The following GRID2 variants were observed in gnomAD, a reference collection of about 807,000 sequenced individuals.
GRID2 encodes the protein glutamate receptor ionotropic, delta-2.
In GRID2, 33 loss-of-function variants were observed where a neutral mutation model predicts 114.8. The observed-to-expected ratio is 0.29, with a 90% CI of 0.22 to 0.38. GRID2 has a LOEUF of 0.38. Ranked by LOEUF, GRID2 falls within the 10% of genes least tolerant of loss-of-function variation. The pLI is 1.00. For synonymous variants in GRID2, 505 were observed against 449.9 expected (o/e 1.12, Z -1.55); for missense variants, 1,184 against 1,257.7 (o/e 0.94, Z 0.89).
At chr4:92,357,388 A>T (rs536746724) in intron 1 of GRID2, among the ~76,000 whole-genome samples, 1 of 152,068 alleles carries the variant, frequency 6.6e-6, no homozygotes, top group South Asian at 2.1e-4. Flanking sequence ...AAACAAACAG[A>T]AACACAAAAT....
intron 8 of GRID2, among the ~76,000 whole-genome samples, chr4:93,354,057 G>A (rs1560531121): frequency 6.6e-6 from 1 of 151,622 alleles, no homozygotes; most frequent in African/African-American, 2.4e-5. Context: ...GCCAGACACT[G>A]TATTAAGTAA....
chr4:93,581,377 A>G (rs1385514102), intron 13 of GRID2, among the ~76,000 whole-genome samples: 1 of 152,184 alleles, frequency 6.6e-6, no homozygotes, highest in African/African-American at 2.4e-5. Flanking sequence ...ACAGAACTCA[A>G]GGTATATCCA....
intron 2 of GRID2, among the ~76,000 whole-genome samples, chr4:92,737,604 A>G (rs1052033166): frequency 1.3e-5 from 2 of 152,124 alleles, no homozygotes; most frequent in African/African-American, 2.4e-5. Flanking sequence ...CTATTTACCA[A>G]CCTTCCTCTG....
intron 2 of GRID2, among the ~76,000 whole-genome samples, chr4:92,794,895 T>TACACAC (rs1483711822): frequency 1.4e-5 from 2 of 139,438 alleles, no homozygotes; most frequent in African/African-American, 5.4e-5. Flanking sequence ...TATATATATA[T>TACACAC]ATATATATAT....
At chr4:92,862,427 A>G (rs1744592409) in intron 2 of GRID2, among the ~76,000 whole-genome samples, 1 of 152,188 alleles carries the variant, frequency 6.6e-6, no homozygotes, top group South Asian at 2.1e-4. Flanking sequence ...TACAAAGTGA[A>G]AATTGTTTTT....
chr4:92,305,399 G>T (rs574368634), intron 1 of GRID2, among the ~76,000 whole-genome samples: 2 of 152,280 alleles, frequency 1.3e-5, no homozygotes, highest in South Asian at 4.1e-4. Flanking sequence ...CGCGTGCCTC[G>T]CCTCCTCGGA....
rs553612836 is a variant in GRID2 at position 93,275,452 on chromosome 4, C to G, written c.1245+36962C>G. 8.2e-5 allele frequency among the ~76,000 whole-genome samples: 12 copies of G among 146,734 alleles called. No individual in the cohort carries two copies. In the South Asian group the frequency reaches 2.6e-3, roughly 32 times the overall value. On this transcript the variant is annotated intron_variant, in intron 8 of 15. Transcript: ENST00000282020. ...TATACATATATATATATATATATAC[C>G]TAGGAATAGAAATGATCCTTCCTTT... is the stretch of plus-strand genomic sequence containing the variant.
chr4:93,391,266 A>G (rs1764827959), intron 8 of GRID2, among the ~76,000 whole-genome samples: 1 of 152,212 alleles, frequency 6.6e-6, no homozygotes, highest in South Asian at 2.1e-4. Flanking sequence ...TTACTTCTAT[A>G]AAACATGTAT....
In GRID2 at chr4:93,119,851, C is replaced by A. The variant is rs188603205; in HGVS notation, c.735+8898C>A. 6.6e-4 allele frequency among the ~76,000 whole-genome samples: 100 copies of A among 152,192 alleles called. 2 individuals carry two copies. In the East Asian group the frequency reaches 0.017, roughly 26 times the overall value. ...TGACTCCCACTCATCAAAAGGGTGC[C>A]CTTTTAAGAAGTGTCTGTTCATAGC... On this transcript the variant is annotated intron_variant, in intron 4 of 15. Coordinates refer to ENST00000282020, the MANE Select transcript of GRID2 (RefSeq NM_001510.4).
At chr4:93,454,761 T>C (rs142777065) in intron 10 of GRID2, among the ~76,000 whole-genome samples, 1 of 152,170 alleles carries the variant, frequency 6.6e-6, no homozygotes, top group East Asian at 1.9e-4. Flanking sequence ...AAAAAGAAAA[T>C]ACAAGAAAAT....
At chr4:93,502,009 T>C (rs1046482744) in intron 12 of GRID2, among the ~76,000 whole-genome samples, 2 of 151,734 alleles carry the variant, frequency 1.3e-5, no homozygotes, top group Non-Finnish European at 2.9e-5. Context: ...CACAAACTTA[T>C]AGATATGGTT....
At chr4:93,440,843 A>C (rs1721557910) in intron 10 of GRID2, among the ~76,000 whole-genome samples, 1 of 152,122 alleles carries the variant, frequency 6.6e-6, no homozygotes. Flanking sequence ...TCAATCAGAT[A>C]AAGAACTTGA....
At chr4:93,644,011 C>T (rs1365314298) in intron 14 of GRID2, among the ~76,000 whole-genome samples, 1 of 90,226 alleles carries the variant, frequency 1.1e-5, no homozygotes, top group East Asian at 2.3e-4. Flanking sequence ...GATATAGTCT[C>T]GTGGTGCGCC....
At chr4:93,253,972 A>G (rs1482263169) in intron 8 of GRID2, among the ~76,000 whole-genome samples, 1 of 152,086 alleles carries the variant, frequency 6.6e-6, no homozygotes, top group Admixed American at 6.6e-5. Flanking sequence ...TTAAATTGTC[A>G]GCATTTCTTC....
intron 2 of GRID2, among the ~76,000 whole-genome samples, chr4:92,787,257 T>A (rs544236323): frequency 2.2e-4 from 34 of 151,860 alleles, no homozygotes; most frequent in Non-Finnish European, 4.0e-4. Context: ...TAGAATCAGA[T>A]GACCCAAAAC....
intron 1 of GRID2, among the ~76,000 whole-genome samples, chr4:92,516,978 A>G (rs1180261490): frequency 1.3e-5 from 2 of 152,020 alleles, no homozygotes; most frequent in African/African-American, 4.8e-5. Flanking sequence ...AGCACCATTA[A>G]CAAGGTGGTA....
At chr4:92,955,460 GTTGT>G (rs1279333729) in intron 2 of GRID2, among the ~76,000 whole-genome samples, 3 of 151,820 alleles carry the variant, frequency 2.0e-5, no homozygotes, top group East Asian at 3.9e-4. Context: ...TTTTGATGGC[GTTGT>G]TTGTTTTTTT....
At chr4:92,444,842 C>T (rs1461971548) in intron 1 of GRID2, among the ~76,000 whole-genome samples, 1 of 152,114 alleles carries the variant, frequency 6.6e-6, no homozygotes, top group Non-Finnish European at 1.5e-5. Context: ...AGGATTGATA[C>T]ATTTTTGGTA....
chr4:93,799,048 G>T (rs1578801102), intron 1 of GRID2, among the ~76,000 whole-genome samples: 1 of 152,148 alleles, frequency 6.6e-6, no homozygotes, highest in Admixed American at 6.6e-5. Flanking sequence ...CTGCTTAGCG[G>T]TCTGATCTTG....
Sources: allele counts gnomAD v4.1 joint callset (sites outside exome capture counted in the v4.1 genomes callset), GRCh38; gene constraint gnomAD v4.1.1; transcripts MANE v1.5; gene names NCBI Gene and HGNC (gene_info 2026-07-23, HGNC 2026-07-21).